Variants in LTBP1 observed in about 807,000 individuals in gnomAD.
LTBP1 encodes the protein latent-transforming growth factor beta-binding protein 1.
In LTBP1, 129 loss-of-function variants were observed where a neutral mutation model predicts 207.6. The ratio of observed to expected loss-of-function variants is 0.62; its 90% confidence interval spans 0.54 to 0.72. LTBP1 has a LOEUF of 0.72. LTBP1 is among the 30% of genes least tolerant of loss of function. The pLI is 0.00. For missense variants in LTBP1, 2,281 were observed against 2,217.2 expected (o/e 1.03, Z -0.58); for synonymous variants, 963 against 833.7 (o/e 1.16, Z -2.67).
intron 9 of LTBP1, 75 bp downstream of exon 9, chr2:33,222,226 G>A (rs1183073936): frequency 2.8e-6 from 3 of 1,054,836 alleles, no homozygotes; most frequent in South Asian, 2.5e-5. Context: ...TGTTTGCCAC[G>A]GCTTGCTCAT....
At chr2:33,198,843 A>G (rs2088866840) in intron 7 of LTBP1, among the ~76,000 whole-genome samples, 1 of 152,136 alleles carries the variant, frequency 6.6e-6, no homozygotes, top group Non-Finnish European at 1.5e-5. Context: ...TCCTTTCAAA[A>G]AACCAGCTCC....
intron 3 of LTBP1, among the ~76,000 whole-genome samples, chr2:33,086,944 A>G (rs911599136): frequency 6.6e-6 from 1 of 151,938 alleles, no homozygotes; most frequent in Non-Finnish European, 1.5e-5. Flanking sequence ...ATTGTGTTTT[A>G]GCTTCCGTGG....
At chr2:33,169,561 A>C (rs531077152) in intron 5 of LTBP1, among the ~76,000 whole-genome samples, 61 of 152,366 alleles carry the variant, frequency 4.0e-4, no homozygotes, top group African/African-American at 1.1e-3. Flanking sequence ...TAGATTACTT[A>C]TCAGATACTT....
rs891151104 is a variant in LTBP1, at chr2:33,070,277, G to A, written c.864-40305G>A. 2.0e-5 allele frequency among the ~76,000 whole-genome samples: 3 copies of A among 152,214 alleles called. 1 individual carries two copies. In the South Asian group the frequency reaches 6.2e-4, roughly 32 times the overall value. ...GTGTGTCATTTCTCCATCTGGAGCC[G>A]TTGTTGCTTTGCCAAGGATAGTTTG... is the stretch of plus-strand genomic sequence containing the variant. On this transcript the variant is annotated intron_variant, in intron 3 of 33. Coordinates refer to ENST00000404816, the MANE Select transcript of LTBP1 (RefSeq NM_206943.4).
At chr2:33,043,764 C>G (rs2076308707) in intron 3 of LTBP1, among the ~76,000 whole-genome samples, 1 of 152,188 alleles carries the variant, frequency 6.6e-6, no homozygotes, top group Non-Finnish European at 1.5e-5. Flanking sequence ...GGTGAAATAA[C>G]ATTTTGGGAA....
intron 15 of LTBP1, among the ~76,000 whole-genome samples, chr2:33,269,288 A>G (rs572808715): frequency 6.6e-6 from 1 of 152,322 alleles, no homozygotes; most frequent in Non-Finnish European, 1.5e-5. Flanking sequence ...TAAATAGAGT[A>G]TTTGGTTTTC....
intron 20 of LTBP1, among the ~76,000 whole-genome samples, chr2:33,294,575 A>ATTTT (rs1181582118): frequency 8.0e-6 from 1 of 124,874 alleles, no homozygotes; most frequent in African/African-American, 3.1e-5. Flanking sequence ...ATTGGGTAAA[A>ATTTT]TTTTTTTTTT....
chr2:33,339,653 T>C (rs930183152), intron 24 of LTBP1, among the ~76,000 whole-genome samples: 1 of 148,334 alleles, frequency 6.7e-6, no homozygotes, highest in Non-Finnish European at 1.5e-5. Flanking sequence ...GATTTGTCCT[T>C]TTTTTTTTTG....
At chr2:33,287,418 C>G (rs765763920) in intron 19 of LTBP1, among the ~76,000 whole-genome samples, 1 of 151,988 alleles carries the variant, frequency 6.6e-6, no homozygotes, top group Non-Finnish European at 1.5e-5. Flanking sequence ...AACTAAAGAA[C>G]AAAACAATAT....
chr2:32,995,213 T>A (rs144728972), intron 2 of LTBP1, among the ~76,000 whole-genome samples: 21 of 151,628 alleles, frequency 1.4e-4, no homozygotes, highest in African/African-American at 5.1e-4. Context: ...CAGATGACTG[T>A]TACTCATAGC....
chr2:33,073,517 T>C (rs60610279), intron 3 of LTBP1, among the ~76,000 whole-genome samples: 48 of 152,296 alleles, frequency 3.2e-4, no homozygotes, highest in African/African-American at 1.1e-3. Context: ...TATCATACAT[T>C]TATTTTTCTT....
At chr2:32,970,009 C>T (rs1409667568) in intron 2 of LTBP1, among the ~76,000 whole-genome samples, 1 of 152,126 alleles carries the variant, frequency 6.6e-6, no homozygotes, top group Non-Finnish European at 1.5e-5. Flanking sequence ...ATTTGTATTT[C>T]TCTAATGATT....
intron 32 of LTBP1, among the ~76,000 whole-genome samples, chr2:33,396,700 C>T (rs1355755267): frequency 1.3e-5 from 2 of 152,174 alleles, no homozygotes; most frequent in African/African-American, 2.4e-5. Context: ...CGGCTGAAAA[C>T]GTATTGCCTC....
intron 3 of LTBP1, among the ~76,000 whole-genome samples, chr2:33,030,895 T>A (rs1172986315): frequency 6.6e-6 from 1 of 152,182 alleles, no homozygotes; most frequent in African/African-American, 2.4e-5. Flanking sequence ...TTTAGTGAGG[T>A]TGAACATTTT....
intron 32 of LTBP1, among the ~76,000 whole-genome samples, chr2:33,390,619 C>G (rs2095307056): frequency 6.6e-6 from 1 of 152,048 alleles, no homozygotes; most frequent in African/African-American, 2.4e-5. Flanking sequence ...TCCCGAGAAG[C>G]TGGGACTACA....
At chr2:33,091,365 G>A (rs1572593925) in intron 3 of LTBP1, among the ~76,000 whole-genome samples, 1 of 152,086 alleles carries the variant, frequency 6.6e-6, no homozygotes, top group East Asian at 1.9e-4. Flanking sequence ...TAGTAACAGA[G>A]ACCCTTTGAG....
rs2094958335 is a variant in LTBP1, at chr2:33,364,244, T to C, written c.4428T>C (p.Ser1476=). The change falls in exon 30 of 34, where the codon AGT becomes AGC. Residue 1476 remains serine (S), a synonymous_variant. Coordinates refer to ENST00000404816, the MANE Select transcript of LTBP1 (RefSeq NM_206943.4). ...FDMDECQDPS[S]CIDGQCVNTE... is the part of the protein sequence containing the mutation. ...TGGATGAATGTCAAGACCCCAGTAGTTGTATTGATGGCCAGTGTGTTAATA... is the reference window on the plus strand; with the variant it reads ...TGGATGAATGTCAAGACCCCAGTAGCTGTATTGATGGCCAGTGTGTTAATA... 6.2e-7 allele frequency: 1 copy of C among 1,614,008 alleles called. No homozygotes were observed. The highest frequency in any genetic ancestry group is 2.2e-5 in the East Asian group (1 of 44,872).
intron 24 of LTBP1, among the ~76,000 whole-genome samples, chr2:33,339,462 C>G (rs2094590519): frequency 6.6e-6 from 1 of 152,088 alleles, no homozygotes; most frequent in Non-Finnish European, 1.5e-5. Context: ...CTACCTTTAG[C>G]AGTGGCCTGT....
intron 2 of LTBP1, among the ~76,000 whole-genome samples, chr2:32,974,586 T>C (rs1348365626): frequency 6.6e-6 from 1 of 152,234 alleles, no homozygotes; most frequent in Admixed American, 6.5e-5. Flanking sequence ...CTTGATGTGA[T>C]CCCAGTTTTC....
Sources: allele counts gnomAD v4.1 joint callset (sites outside exome capture counted in the v4.1 genomes callset), GRCh38; gene constraint gnomAD v4.1.1; transcripts MANE v1.5; gene names NCBI Gene and HGNC (gene_info 2026-07-23, HGNC 2026-07-21).